Variants in MTA1 observed in about 807,000 individuals in gnomAD.
MTA1 encodes metastasis-associated protein MTA1.
Under a neutral mutation model 97.0 loss-of-function variants are expected in MTA1, and 15 were observed. The observed-to-expected ratio is 0.15, with a 90% confidence interval of 0.10 to 0.24. MTA1 has a LOEUF of 0.24. Ranked by LOEUF, MTA1 falls within the 10% of genes least tolerant of loss-of-function variation. The probability of loss-of-function intolerance (pLI) is 1.00; values close to 1 mark genes in which losing one functional copy is unlikely to be tolerated. For missense variants in MTA1, 709 were observed against 1,015.1 expected, an observed-to-expected ratio of 0.70 and a Z score of 4.10; for synonymous variants, 435 against 417.5, an observed-to-expected ratio of 1.04 and a Z score of -0.51.
At position 105,463,832 on chromosome 14, in the gene MTA1, CG is replaced by C; in HGVS notation, c.1077-195del. ...GCTGGGCTCCATGCTAGGGGGAGCACGGGGGCCTGGAGAACGGCTCAGACCT... is the reference window on the plus strand; with the variant it reads ...GCTGGGCTCCATGCTAGGGGGAGCACGGGGCCTGGAGAACGGCTCAGACCT... On this transcript the variant is annotated intron_variant, in intron 12 of 20. Transcript: ENST00000331320. This position sits in a 1 kb window ranked among gnomAD's most constrained non-coding sequence, Gnocchi z 5.9. The C allele has an allele frequency of 1.5e-6, 1 of 652,188 alleles. No homozygotes were observed. The highest frequency in any genetic ancestry group is 2.7e-6 in the Non-Finnish European group (1 of 368,208). The allele number at this position is 652,188 out of a possible 1,614,324, so 40.4% of individuals were successfully genotyped here.
chr14:105,437,375 G>T (rs1159999834), intron 1 of MTA1, among the ~76,000 whole-genome samples: 2 of 152,082 alleles, frequency 1.3e-5, no homozygotes, highest in African/African-American at 4.8e-5. Flanking sequence ...GTCCTCAGGG[G>T]TGTGTCCTCA....
chr14:105,436,056 G>A (rs1231076592), intron 1 of MTA1, among the ~76,000 whole-genome samples: 1 of 152,190 alleles, frequency 6.6e-6, no homozygotes, highest in Non-Finnish European at 1.5e-5. Context: ...ATCACCTGAG[G>A]TCAGGAGTTT....
chr14:105,460,715 T>C, intron 9 of MTA1, 50 bp from the exon 10 acceptor site: 1 of 1,505,470 alleles, frequency 6.6e-7, no homozygotes, highest in Non-Finnish European at 8.9e-7. Context: ...GTGCCACAGG[T>C]GCAGGAAAAG....
chr14:105,449,275 A>C, intron 3 of MTA1, 84 bp from the exon 4 acceptor site: 1 of 1,414,184 alleles, frequency 7.1e-7, no homozygotes. Flanking sequence ...CTGGCGGCAC[A>C]GCCCTCGGTC....
intron 6 of MTA1, among the ~76,000 whole-genome samples, chr14:105,451,134 GC>G (rs1257426793): frequency 6.6e-6 from 1 of 152,198 alleles, no homozygotes; most frequent in Non-Finnish European, 1.5e-5. Flanking sequence ...GCTGGATGCG[GC>G]CCCCACCCTG....
At chr14:105,451,562 G>A (rs1555428682) in intron 6 of MTA1, among the ~76,000 whole-genome samples, 1 of 152,232 alleles carries the variant, frequency 6.6e-6, no homozygotes, top group Non-Finnish European at 1.5e-5. Flanking sequence ...GCCACACAGA[G>A]AGGGTGAGAC....
chr14:105,468,636 G>A (rs587656536), intron 18 of MTA1, among the ~76,000 whole-genome samples: 2 of 152,318 alleles, frequency 1.3e-5, no homozygotes, highest in African/African-American at 4.8e-5. Flanking sequence ...CAGCTAAGCA[G>A]CGTTTCTGGA....
chr14:105,460,306 TG>T, intron 8 of MTA1, 51 bp from the exon 9 acceptor site: 3 of 1,509,622 alleles, frequency 2.0e-6, no homozygotes, highest in Non-Finnish European at 1.8e-6. Flanking sequence ...GGTGTGCCTG[TG>T]GGGAGTCCCT....
intron 13 of MTA1, 45 bp downstream of exon 13, chr14:105,464,192 G>C (rs1439322244): frequency 6.4e-7 from 1 of 1,573,106 alleles, no homozygotes; most frequent in African/African-American, 1.4e-5. Flanking sequence ...GCCCGCCTGT[G>C]GGCCGTGGTG....
chr14:105,426,991 C>T (rs587756398), intron 1 of MTA1, among the ~76,000 whole-genome samples: 1 of 152,334 alleles, frequency 6.6e-6, no homozygotes, highest in South Asian at 2.1e-4. Flanking sequence ...CCATGGCAGA[C>T]CTGGCTGTGG....
chr14:105,462,110 A>AGGCG (rs2083373828), intron 10 of MTA1, among the ~76,000 whole-genome samples: 2 of 145,068 alleles, frequency 1.4e-5, no homozygotes, highest in African/African-American at 2.6e-5. Context: ...ATGCCCAGGC[A>AGGCG]CGGTCTCGGG....
chr14:105,451,783 G>GTTTTTTTTTTTTTTTTTT (rs869240296), intron 6 of MTA1, among the ~76,000 whole-genome samples: 1 of 31,380 alleles, frequency 3.2e-5, no homozygotes, highest in Admixed American at 5.3e-4. Flanking sequence ...TTCTTTTTTT[G>GTTTTTTTTTTTTTTTTTT]TTTTTTTTTT....
intron 16 of MTA1, 188 bp from the exon 17 acceptor site, chr14:105,466,238 G>A: frequency 1.6e-6 from 1 of 608,012 alleles, no homozygotes; most frequent in South Asian, 2.0e-5. Flanking sequence ...CTTGCCGAGG[G>A]CTTCTGGGCT....
rs1347247479 is a variant in MTA1, at chr14:105,465,069, C to A, written c.1535-25C>A. 5 of 1,490,494 alleles carry A rather than the reference C, an allele frequency of 3.4e-6. No homozygotes were observed. In the African/African-American group the frequency reaches 7.0e-5, roughly 21 times the overall value. The allele number at this position is 1,490,494 out of a possible 1,614,324, so 92.3% of individuals were successfully genotyped here. A position where few individuals can be genotyped will look rare whatever the true frequency, so the allele number is the denominator to read the frequency against. On this transcript the variant is annotated intron_variant, in intron 15 of 20. Coordinates refer to ENST00000331320, the MANE Select transcript of MTA1 (RefSeq NM_004689.4). The stretch of plus-strand genomic sequence containing the variant: ...CGTGCTCCCCTGGGGGTGCCCCACC[C>A]CTCACACCGTGTGGTACCCCGCAGG...
chr14:105,449,466 GCGGCAGCGCCGCTGAGGGA>G (rs1226093847), intron 4 of MTA1, 57 bp downstream of exon 4: 14 of 1,579,634 alleles, frequency 8.9e-6, no homozygotes, highest in Non-Finnish European at 1.1e-5. Context: ...TGGGCTGGGG[GCGGCAGCGCCGCTGAGGGA>G]CAGAGTTTGG....
chr14:105,430,052 C>T (rs986937251), intron 1 of MTA1, among the ~76,000 whole-genome samples: 4 of 152,134 alleles, frequency 2.6e-5, no homozygotes, highest in Admixed American at 1.3e-4. Flanking sequence ...CCACTGCGCC[C>T]GACCCACTTT....
At chr14:105,453,047 CA>C (rs1283647834) in intron 6 of MTA1, among the ~76,000 whole-genome samples, 12 of 152,254 alleles carry the variant, frequency 7.9e-5, no homozygotes, top group African/African-American at 1.2e-4. Context: ...AGGCCTGCTT[CA>C]AAAATCATCA....
chr14:105,455,425 T>A (rs1373453054), intron 7 of MTA1, among the ~76,000 whole-genome samples: 1 of 152,202 alleles, frequency 6.6e-6, no homozygotes, highest in African/African-American at 2.4e-5. Flanking sequence ...CTCAGCCCTG[T>A]CCCTCATCTC....
At chr14:105,427,088 T>C (rs1371489212) in intron 1 of MTA1, among the ~76,000 whole-genome samples, 1 of 152,214 alleles carries the variant, frequency 6.6e-6, no homozygotes, top group African/African-American at 2.4e-5. Flanking sequence ...CTCTTGTTGC[T>C]CAATGATCTT....
Sources: gnomAD v4.1 joint callset for allele counts (sites outside exome capture counted in the v4.1 genomes callset) on GRCh38, gnomAD v4.1.1 for gene constraint, Gnocchi (gnomAD v3.1) non-coding constraint, MANE v1.5 for transcripts, NCBI Gene and HGNC (gene_info 2026-07-23, HGNC 2026-07-21) for gene names.